The following FBN2 variants were observed in gnomAD, a reference collection of about 807,000 sequenced individuals.
FBN2 encodes the protein fibrillin-2.
Under a neutral mutation model 355.6 loss-of-function variants are expected in FBN2, and 105 were observed. The observed-to-expected ratio is 0.30, with a 90% CI of 0.25 to 0.35. The LOEUF (loss-of-function observed/expected upper bound fraction) is 0.35. FBN2 is among the 10% of genes least tolerant of loss of function. FBN2 has a pLI of 1.00. For synonymous variants in FBN2, 1,350 were observed against 1,301.2 expected (o/e 1.04, Z -0.81); for missense variants, 3,280 against 3,758.7 (o/e 0.87, Z 3.33).
At chr5:128,505,015 T>C (rs1034612128) in intron 5 of FBN2, among the ~76,000 whole-genome samples, 2 of 152,216 alleles carry the variant, frequency 1.3e-5, no homozygotes, top group African/African-American at 4.8e-5. Flanking sequence ...CAAGATCTGA[T>C]GGTTTTACAA....
intron 62 of FBN2, among the ~76,000 whole-genome samples, chr5:128,269,296 T>G (rs1765204504): frequency 6.8e-6 from 1 of 148,122 alleles, no homozygotes; most frequent in African/African-American, 2.5e-5. Flanking sequence ...ATAATAATAA[T>G]AATAATAATA....
rs144424211 is a variant in FBN2 at position 128,352,186 on chromosome 5, T to C, written c.2675-1181A>G. Among the ~76,000 whole-genome samples, 961 of 151,966 alleles carry C rather than the reference T, an allele frequency of 6.3e-3. 17 individuals are homozygous for C. Among genetic ancestry groups the C allele is most frequent in the African/African-American group, 0.022 (905 of 41,226 alleles). ...ATGCATTCCCAGGGCTAATATCTGATGTATTTTCTTTCAGGCACTTAAAAA... is the reference window on the plus strand; with the variant it reads ...ATGCATTCCCAGGGCTAATATCTGACGTATTTTCTTTCAGGCACTTAAAAA... On this transcript the variant is annotated intron_variant, in intron 20 of 64. Coordinates refer to ENST00000262464, the MANE Select transcript of FBN2 (RefSeq NM_001999.4).
At chr5:128,400,711 T>C (rs1561438084) in intron 8 of FBN2, among the ~76,000 whole-genome samples, 1 of 152,232 alleles carries the variant, frequency 6.6e-6, no homozygotes, top group East Asian at 1.9e-4. Context: ...TGGAAATCAA[T>C]AACAAAATAA....
intron 48 of FBN2, among the ~76,000 whole-genome samples, chr5:128,293,272 A>T (rs1179716121): frequency 6.6e-6 from 1 of 152,198 alleles, no homozygotes; most frequent in Admixed American, 6.5e-5. Context: ...CCAGTGGATC[A>T]CTTGAGGTCA....
Position 128,344,506 on chromosome 5 carries a change from G to C in FBN2, c.3222C>G (p.Ile1074Met), listed in dbSNP as rs1345516642. ...TCCCAGGAAATGCTTTGCATTCATT[G>C]ATGTCTAAAAGCAGAATGAAGCCAG... ...VLTGRPFYKD[I>M]NECKAFPGMC... The change falls in exon 25 of 65, where the codon ATC becomes ATG. Residue 1074 changes from isoleucine to methionine, a missense_variant. Ile to Met is a conservative substitution (Grantham distance 10, BLOSUM62 1). This residue lies in a region of FBN2 where 2,284 missense variants were observed against 2,749.5 expected (regional missense o/e 0.83). Coordinates refer to ENST00000262464, the MANE Select transcript of FBN2 (RefSeq NM_001999.4). 6.2e-7 allele frequency: 1 copy of C among 1,613,558 alleles called. No homozygotes were observed. Among genetic ancestry groups the C allele is most frequent in the Non-Finnish European group, 8.5e-7 (1 of 1,179,646 alleles).
intron 26 of FBN2, among the ~76,000 whole-genome samples, chr5:128,338,492 T>C (rs1750906861): frequency 6.6e-6 from 1 of 152,162 alleles, no homozygotes; most frequent in East Asian, 1.9e-4. Context: ...TACTATATCC[T>C]ATGAGGTAGG....
At chr5:128,477,129 T>C (rs1360388320) in intron 5 of FBN2, among the ~76,000 whole-genome samples, 2 of 152,216 alleles carry the variant, frequency 1.3e-5, no homozygotes, top group Admixed American at 1.3e-4. Context: ...ACATGTGGTT[T>C]TCTAAATTTA....
intron 15 of FBN2, 81 bp downstream of exon 15, chr5:128,374,547 A>T: frequency 1.9e-6 from 3 of 1,554,406 alleles, no homozygotes; most frequent in Non-Finnish European, 2.7e-6. Context: ...GGTGAATATT[A>T]CTCCACTGTA....
chr5:128,355,864 GA>G (rs1268928224), intron 20 of FBN2, among the ~76,000 whole-genome samples: 10 of 152,180 alleles, frequency 6.6e-5, no homozygotes, highest in African/African-American at 2.2e-4. Context: ...TTGGCAATTG[GA>G]AGAATGACAT....
At chr5:128,479,464 T>C (rs747088684) in intron 5 of FBN2, among the ~76,000 whole-genome samples, 8 of 152,142 alleles carry the variant, frequency 5.3e-5, no homozygotes, top group Non-Finnish European at 8.8e-5. Context: ...ATATTTTTAC[T>C]TTTTTAATCA....
chr5:128,350,832 AAGG>A, intron 21 of FBN2, 33 bp downstream of exon 21: 1 of 1,612,430 alleles, frequency 6.2e-7, no homozygotes, highest in Non-Finnish European at 8.5e-7. Context: ...AGAAGTTTCC[AAGG>A]AGAAGCCCAG....
rs1315966406 is a variant in FBN2, at chr5:128,377,774, A to G, written c.1827T>C (p.Thr609=). The change falls in exon 13 of 65, where the codon ACT becomes ACC. Residue 609 remains threonine (T), a synonymous_variant. Coordinates refer to ENST00000262464, the MANE Select transcript of FBN2 (RefSeq NM_001999.4). ...TACCAACACAGTTTTTTCCATCTGT[A>G]GTTAATTCAAAGCCGGCATTGCAAA... The part of the protein sequence containing the change: ...QCICNAGFEL[T]TDGKNCVDHD... 6.2e-7 allele frequency: 1 copy of G among 1,613,632 alleles called. No individual in the cohort carries two copies. Among genetic ancestry groups the G allele is most frequent in the Admixed American group, 1.7e-5 (1 of 59,986 alleles).
At chr5:128,463,398 C>T (rs1754611121) in intron 6 of FBN2, among the ~76,000 whole-genome samples, 1 of 152,038 alleles carries the variant, frequency 6.6e-6, no homozygotes, top group South Asian at 2.1e-4. Context: ...GTGTTCATCA[C>T]TAAAAAGAAC....
At chr5:128,460,661 T>C (rs1207908805) in intron 6 of FBN2, among the ~76,000 whole-genome samples, 1 of 151,982 alleles carries the variant, frequency 6.6e-6, no homozygotes, top group Non-Finnish European at 1.5e-5. Flanking sequence ...AAAACAAACA[T>C]ACAGACCAAT....
Position 128,272,079 on chromosome 5 carries a change from C to A in FBN2, c.7880G>T (p.Gly2627Val). The A allele has an allele frequency of 6.2e-7, 1 of 1,614,036 alleles. No individual in the cohort carries two copies. Among genetic ancestry groups the A allele is most frequent in the Non-Finnish European group, 8.5e-7 (1 of 1,179,946 alleles). ...ECDGNHRCQH[G>V]CQNILGGYRC... The stretch of plus-strand genomic sequence containing the variant: ...GTAGCCACCCAGGATGTTCTGGCAG[C>A]CGTGTTGGCACCTGTGGTTCCCATC... The change falls in exon 62 of 65, where the codon GGC becomes GTC. Residue 2627 changes from glycine to valine, a missense_variant. Coordinates refer to ENST00000262464, the MANE Select transcript of FBN2 (RefSeq NM_001999.4).
At chr5:128,390,236 T>C (rs180744454) in intron 11 of FBN2, among the ~76,000 whole-genome samples, 48 of 152,346 alleles carry the variant, frequency 3.2e-4, no homozygotes, top group African/African-American at 9.6e-4. Context: ...TTAAACTTTT[T>C]GTATATGACC....
At chr5:128,312,599 T>C (rs963265583) in intron 37 of FBN2, 35 bp downstream of exon 37, 1 of 1,611,752 alleles carries the variant, frequency 6.2e-7, no homozygotes, top group Non-Finnish European at 8.5e-7. Context: ...TAGATACCAG[T>C]TGGTTTTCTT....
chr5:128,281,041 A>C (rs954447037), intron 55 of FBN2, among the ~76,000 whole-genome samples: 6 of 152,144 alleles, frequency 3.9e-5, no homozygotes, highest in Admixed American at 2.0e-4. Flanking sequence ...CTTTATACTT[A>C]AAATTTTTAA....
chr5:128,302,069 A>T (rs916705298), intron 46 of FBN2, among the ~76,000 whole-genome samples: 3 of 147,078 alleles, frequency 2.0e-5, no homozygotes, highest in Middle Eastern at 7.4e-3. Context: ...GCTCTAAGAA[A>T]CTAGTCAAGA....
Sources: allele counts gnomAD v4.1 joint callset (sites outside exome capture counted in the v4.1 genomes callset), GRCh38; gene constraint gnomAD v4.1.1; regional missense constraint gnomAD v4.1.1; transcripts MANE v1.5; gene names NCBI Gene and HGNC (gene_info 2026-07-23, HGNC 2026-07-21).